The following RAD50 variants were observed in gnomAD, a reference collection of about 807,000 sequenced individuals.
RAD50 encodes the protein DNA repair protein RAD50.
A neutral mutation model predicts 168.8 loss-of-function variants in RAD50; 132 were observed. That is an observed-to-expected ratio of 0.78 (90% confidence interval 0.68 to 0.90). The LOEUF is 0.90. Ranked by LOEUF, RAD50 falls within the 40% of genes least tolerant of loss-of-function variation. The pLI is 0.00. For synonymous variants in RAD50, 525 were observed against 497.4 expected, an observed-to-expected ratio of 1.06 and a Z score of -0.74; for missense variants, 1,347 against 1,534.4, an observed-to-expected ratio of 0.88 and a Z score of 2.04.
In RAD50 at chr5:132,560,271, T is replaced by C. The variant is rs768023159; in HGVS notation, c.213+904T>C. Among the ~76,000 whole-genome samples, 70 of 152,216 alleles carry C rather than the reference T, an allele frequency of 4.6e-4. 1 individual carries two copies. Among genetic ancestry groups the C allele is most frequent in the Non-Finnish European group, 8.8e-4 (60 of 68,032 alleles). ...TTAATATAATTTTATACTTCTATTTTATTGTTTTTAATTAGTAAATTGTAT... is the reference window on the plus strand; with the variant it reads ...TTAATATAATTTTATACTTCTATTTCATTGTTTTTAATTAGTAAATTGTAT... On this transcript the variant is annotated intron_variant, in intron 2 of 24. Transcript: ENST00000378823.
chr5:132,575,531 AT>A (rs1401448744), intron 2 of RAD50, among the ~76,000 whole-genome samples: 1 of 152,230 alleles, frequency 6.6e-6, no homozygotes, highest in African/African-American at 2.4e-5. Flanking sequence ...AAATTCATTT[AT>A]TTGAAAAATC....
chr5:132,616,181 A>G (rs1751172627), intron 20 of RAD50, 51 bp downstream of exon 20: 1 of 1,560,272 alleles, frequency 6.4e-7, no homozygotes, highest in East Asian at 2.3e-5. Flanking sequence ...TATTACTGGA[A>G]TGTGAAGAAT....
At position 132,579,487 on chromosome 5, in the gene RAD50, T is replaced by C; in HGVS notation, c.536T>C (p.Ile179Thr). Reference sequence around the variant, plus strand: ...GCTTTGAAGCAAAAGTTTGATGAGATTTTTTCAGCAACAAGGTTTGTAACC... The same window carrying C: ...GCTTTGAAGCAAAAGTTTGATGAGACTTTTTCAGCAACAAGGTTTGTAACC... The part of the protein sequence containing the change: ...GKALKQKFDE[I>T]FSATRYIKAL... The change falls in exon 4 of 25, where the codon ATT (isoleucine) becomes ACT (threonine). Residue 179 changes from isoleucine (I) to threonine (T), a missense_variant. Ile to Thr is a moderately conservative substitution (Grantham distance 89). Around this residue, in one of 3 missense-constraint regions of RAD50, gnomAD observed 703 missense variants for 767.7 expected, o/e 0.92. Transcript: ENST00000378823. 6.2e-7 allele frequency: 1 copy of C among 1,613,002 alleles called. No homozygotes were observed. The highest frequency in any genetic ancestry group is 2.2e-5 in the East Asian group (1 of 44,852).
intron 10 of RAD50, 22 bp from the exon 11 acceptor site, chr5:132,591,855 A>G (rs921967226): frequency 1.3e-6 from 2 of 1,550,752 alleles, no homozygotes; most frequent in Non-Finnish European, 1.8e-6. Flanking sequence ...TTATTTTTAA[A>G]AGATTTTTTT....
intron 21 of RAD50, among the ~76,000 whole-genome samples, chr5:132,626,158 G>A (rs141388672): frequency 1.8e-4 from 27 of 152,102 alleles, no homozygotes; most frequent in Admixed American, 3.3e-4. Context: ...GTGAGCCACC[G>A]CGCCCGAGAG....
Position 132,587,499 on chromosome 5 carries a change from C to T in RAD50, c.757-63C>T, listed in dbSNP as rs74861356. 7.5e-4 allele frequency: 1,190 copies of T among 1,591,160 alleles called. 6 individuals carry two copies. The African/African-American group carries it at 0.014, about 19-fold the overall frequency. On this transcript the variant is annotated intron_variant, in intron 5 of 24. Transcript: ENST00000378823. ...CCTGGACCTGGAGTATCTTACTTGT[C>T]TTCATCTATCAGCCATGTAAGCTAT... is the stretch of plus-strand genomic sequence containing the variant.
chr5:132,597,926 A>G (rs1246784339), intron 13 of RAD50, among the ~76,000 whole-genome samples: 1 of 152,224 alleles, frequency 6.6e-6, no homozygotes, highest in Non-Finnish European at 1.5e-5. Flanking sequence ...CAAATGGATA[A>G]AATTTGAAAT....
chr5:132,592,764 G>T (rs1750725992), intron 11 of RAD50: 1 of 466,634 alleles, frequency 2.1e-6, no homozygotes, highest in Non-Finnish European at 4.5e-6. Context: ...TTGTCTTCAG[G>T]ATTGTACTGG....
At chr5:132,614,729 A>G (rs780531806) in intron 19 of RAD50, among the ~76,000 whole-genome samples, 34 of 150,794 alleles carry the variant, frequency 2.3e-4, no homozygotes, top group Middle Eastern at 6.8e-3. Context: ...TTTTTGATCC[A>G]TGGTTAGTTG....
chr5:132,619,416 T>A lies in RAD50; in HGVS notation c.3389+1122T>A, dbSNP rs535937105. On this transcript the variant is annotated intron_variant, in intron 21 of 24. Transcript: ENST00000378823. ...TATTAGTCTTGTCTTTTTGTGTGTT[T>A]TGGGACAGAGTCTCTCTTTGTCACC... Among the ~76,000 whole-genome samples the A allele has an allele frequency of 8.9e-5, 13 of 146,130 alleles. No homozygotes were observed. In the East Asian group the frequency reaches 2.6e-3, roughly 29 times the overall value.
At chr5:132,572,669 C>G (rs376978711) in intron 2 of RAD50, among the ~76,000 whole-genome samples, 40 of 152,040 alleles carry the variant, frequency 2.6e-4, no homozygotes, top group African/African-American at 8.9e-4. Flanking sequence ...TTTAAGGGAG[C>G]ATATTAAATT....
At chr5:132,639,497 T>C (rs1174067862) in intron 23 of RAD50, among the ~76,000 whole-genome samples, 1 of 152,212 alleles carries the variant, frequency 6.6e-6, no homozygotes, top group African/African-American at 2.4e-5. Context: ...GTAATCAGTA[T>C]CCCTACGTGC....
intron 21 of RAD50, among the ~76,000 whole-genome samples, chr5:132,620,168 G>T (rs1242123104): frequency 3.9e-5 from 6 of 152,290 alleles, no homozygotes; most frequent in Admixed American, 1.3e-4. Flanking sequence ...GCCTCCCAAA[G>T]TGCTGGGATT....
In RAD50 at chr5:132,592,035, G is replaced by A; in HGVS notation, c.1793+1G>A. On this transcript the variant is annotated splice_donor_variant, in intron 11 of 24. Transcript: ENST00000378823. LOFTEE classifies it high-confidence loss of function. Reference sequence around the variant, plus strand: ...CCAGGGACAGACTTGCCAAATTGAAGTAAGTTGCAACATTTGGAGATGTAA... The same window carrying A: ...CCAGGGACAGACTTGCCAAATTGAAATAAGTTGCAACATTTGGAGATGTAA... 1 of 1,609,062 alleles carries A rather than the reference G, an allele frequency of 6.2e-7. No homozygotes were observed. The highest frequency in any genetic ancestry group is 8.5e-7 in the Non-Finnish European group (1 of 1,175,760).
At chr5:132,609,963 T>G (rs996748668) in intron 19 of RAD50, among the ~76,000 whole-genome samples, 11 of 152,058 alleles carry the variant, frequency 7.2e-5, no homozygotes, top group Admixed American at 5.2e-4. Flanking sequence ...GTTACACTTA[T>G]TTGTTCTTAA....
intron 1 of RAD50, among the ~76,000 whole-genome samples, chr5:132,558,625 C>T (rs1272114089): frequency 1.3e-5 from 2 of 148,752 alleles, no homozygotes; most frequent in Non-Finnish European, 3.0e-5. Context: ...GCGGGAGAAT[C>T]GCTTGAACCG....
intron 21 of RAD50, among the ~76,000 whole-genome samples, chr5:132,631,286 A>C (rs2149859696): frequency 6.6e-6 from 1 of 151,972 alleles, no homozygotes; most frequent in South Asian, 2.1e-4. Flanking sequence ...ACACCGGCTA[A>C]TTTTTGTATT....
Position 132,639,381 on chromosome 5 carries a change from A to C in RAD50, c.3618+1158A>C, listed in dbSNP as rs111898425. Reference sequence around the variant, plus strand: ...AAAAAAAAAAAAAAAAGAACATGCCATGCATATATGTATTATGTTGTCAGC... The same window carrying C: ...AAAAAAAAAAAAAAAAGAACATGCCCTGCATATATGTATTATGTTGTCAGC... On this transcript the variant is annotated intron_variant, in intron 23 of 24. Coordinates refer to ENST00000378823, the MANE Select transcript of RAD50 (RefSeq NM_005732.4). Among the ~76,000 whole-genome samples, 774 of 151,056 alleles carry C rather than the reference A, an allele frequency of 5.1e-3. 4 individuals carry two copies. Among genetic ancestry groups the C allele is most frequent in the African/African-American group, 0.017 (695 of 41,046 alleles).
chr5:132,592,068 C>A lies in RAD50; in HGVS notation c.1793+34C>A, dbSNP rs368310369. ...CAACATTTGGAGATGTAATAGAAAT[C>A]TCTTATTTCATGCTTACCTGTTTAA... On this transcript the variant is annotated intron_variant, in intron 11 of 24. Coordinates refer to ENST00000378823, the MANE Select transcript of RAD50 (RefSeq NM_005732.4). 4 of 1,575,370 alleles carry A rather than the reference C, an allele frequency of 2.5e-6. No individual in the cohort carries two copies. In the African/African-American group the frequency reaches 5.4e-5, roughly 21 times the overall value.
Sources: gnomAD v4.1 joint callset for allele counts (sites outside exome capture counted in the v4.1 genomes callset) on GRCh38, gnomAD v4.1.1 for gene constraint, gnomAD v4.1.1 regional missense constraint, MANE v1.5 for transcripts, NCBI Gene and HGNC (gene_info 2026-07-23, HGNC 2026-07-21) for gene names.